The following ABCB1 variants were observed in gnomAD, a reference collection of about 807,000 sequenced individuals.
ABCB1 encodes the protein ATP binding cassette subfamily B member 1, also known as ATP-dependent translocase ABCB1.
A neutral mutation model predicts 142.0 loss-of-function variants in ABCB1; 69 were observed. The ratio of observed to expected loss-of-function variants is 0.49; its 90% CI spans 0.40 to 0.59. The LOEUF is 0.59. Ranked by LOEUF, ABCB1 falls within the 20% of genes least tolerant of loss-of-function variation. The probability of loss-of-function intolerance (pLI) is 0.00; values close to 1 mark genes in which losing one functional copy is unlikely to be tolerated. For missense variants in ABCB1, 1,326 were observed against 1,554.7 expected (o/e 0.85, Z 2.47); for synonymous variants, 532 against 539.2 (o/e 0.99, Z 0.18).
At chr7:87,683,393 A>G (rs1453430181) in intron 1 of ABCB1, among the ~76,000 whole-genome samples, 1 of 152,190 alleles carries the variant, frequency 6.6e-6, no homozygotes, top group Non-Finnish European at 1.5e-5. Flanking sequence ...TGGCTATCTC[A>G]GTTTTTGACA....
In ABCB1 at chr7:87,558,341, G is replaced by C. The variant is rs796675258; in HGVS notation, c.827+2922C>G. Among the ~76,000 whole-genome samples the C allele has an allele frequency of 3.2e-4, 48 of 152,142 alleles. No homozygotes were observed. In the East Asian group the frequency reaches 3.9e-3, roughly 12 times the overall value. On this transcript the variant is annotated intron_variant, in intron 8 of 27. Transcript: ENST00000622132. The stretch of plus-strand genomic sequence containing the variant: ...ATGAAATACTATATATTTTCTAATT[G>C]TTCATTCCTGGTTTACAGGAATGCC...
chr7:87,680,600 C>T (rs1350613138), intron 1 of ABCB1, among the ~76,000 whole-genome samples: 1 of 150,304 alleles, frequency 6.7e-6, no homozygotes, highest in Non-Finnish European at 1.5e-5. Context: ...TAAGGCCAGC[C>T]TGACTAACAT....
intron 23 of ABCB1, chr7:87,518,970 C>T (rs566811153): frequency 1.4e-5 from 4 of 281,078 alleles, no homozygotes; most frequent in Non-Finnish European, 2.7e-5. Flanking sequence ...CTGTATTTTA[C>T]TTGCTCTGTA....
In ABCB1 at chr7:87,637,805, T is replaced by G. The variant is rs552897659; in HGVS notation, c.-330-36727A>C. On this transcript the variant is annotated intron_variant, in intron 1 of 28. Transcript: ENST00000265724. ...AGATTTCTTTATTAATTCTAACAGATTTTTTGCAGTTAAAATTTTTTTTTC... is the reference window on the plus strand; with the variant it reads ...AGATTTCTTTATTAATTCTAACAGAGTTTTTGCAGTTAAAATTTTTTTTTC... 2.0e-3 allele frequency among the ~76,000 whole-genome samples: 303 copies of G among 152,196 alleles called. 1 individual carries two copies. Among genetic ancestry groups the G allele is most frequent in the African/African-American group, 6.7e-3 (277 of 41,558 alleles).
At chr7:87,570,303 T>C in intron 4 of ABCB1, 80 bp from the exon 5 acceptor site, 1 of 1,299,626 alleles carries the variant, frequency 7.7e-7, no homozygotes, top group Non-Finnish European at 1.1e-6. Flanking sequence ...TGAATCAAAC[T>C]CATTTCATTT....
chr7:87,503,110 G>A lies in ABCB1; in HGVS notation c.*1133C>T, dbSNP rs1006546804. ...TTGCATTTATTTGATTGTTGAAACT[G>A]TATACATTTTTCTCATGCATTTCTT... On this transcript the variant is annotated 3_prime_UTR_variant, in exon 28 of 28. Transcript: ENST00000622132. Among the ~76,000 whole-genome samples, 12 of 151,794 alleles carry A rather than the reference G, an allele frequency of 7.9e-5. No homozygotes were observed. The South Asian group carries it at 2.5e-3, about 32-fold the overall frequency.
intron 1 of ABCB1, among the ~76,000 whole-genome samples, chr7:87,650,382 T>C (rs1000162630): frequency 5.9e-5 from 9 of 152,022 alleles, no homozygotes; most frequent in Non-Finnish European, 5.9e-5. Context: ...ACCATCAGAT[T>C]GGGTGTCTGG....
chr7:87,664,294 G>A (rs1385334626), intron 1 of ABCB1, among the ~76,000 whole-genome samples: 1 of 152,050 alleles, frequency 6.6e-6, no homozygotes, highest in South Asian at 2.1e-4. Flanking sequence ...CCTGGAGATA[G>A]CAGCTGCACT....
At chr7:87,600,364 G>A (rs917552380) in intron 1 of ABCB1, among the ~76,000 whole-genome samples, 174 bp from the exon 2 acceptor site, 1 of 152,210 alleles carries the variant, frequency 6.6e-6, no homozygotes, top group Non-Finnish European at 1.5e-5. Flanking sequence ...TGTGCGCGGG[G>A]TCTCCAGCAT....
At chr7:87,589,804 AG>A (rs1288020939) in intron 3 of ABCB1, among the ~76,000 whole-genome samples, 1 of 99,552 alleles carries the variant, frequency 1.0e-5, no homozygotes, top group Non-Finnish European at 1.7e-5. Flanking sequence ...AGAGAGAGAG[AG>A]GAGAGAGAGA....
intron 8 of ABCB1, 123 bp downstream of exon 8, chr7:87,561,140 C>T (rs58996570): frequency 2.7e-6 from 3 of 1,124,256 alleles, no homozygotes; most frequent in African/African-American, 1.6e-5. Flanking sequence ...GTAATACATC[C>T]ATTAAGCTAT....
intron 1 of ABCB1, among the ~76,000 whole-genome samples, chr7:87,687,561 G>A (rs1283957856): frequency 1.3e-5 from 2 of 152,106 alleles, no homozygotes; most frequent in Non-Finnish European, 2.9e-5. Context: ...ATCTTCATCT[G>A]TTTTGTTCAT....
At chr7:87,686,861 C>T (rs1447733447) in intron 1 of ABCB1, among the ~76,000 whole-genome samples, 1 of 150,840 alleles carries the variant, frequency 6.6e-6, no homozygotes, top group South Asian at 2.1e-4. Context: ...GGGAGGGTCA[C>T]CTGAGCCCAA....
rs779701045 is a variant in ABCB1 at position 87,553,970 on chromosome 7, A to G, written c.828-38T>C. 4.5e-6 allele frequency: 7 copies of G among 1,559,414 alleles called. No homozygotes were observed. The Admixed American group carries it at 1.2e-4, about 26-fold the overall frequency. The stretch of plus-strand genomic sequence containing the variant: ...ACAAAAATGATCACATATACATTTT[A>G]TGAAAACATGTCGATATAGCATGAT... On this transcript the variant is annotated intron_variant, in intron 8 of 27. Transcript: ENST00000622132.
chr7:87,690,625 T>C (rs1827921665), intron 1 of ABCB1, among the ~76,000 whole-genome samples: 1 of 152,174 alleles, frequency 6.6e-6, no homozygotes, highest in Non-Finnish European at 1.5e-5. Context: ...TGAATTACAG[T>C]ACTGTAGCAT....
chr7:87,648,927 T>C (rs1405793724), intron 1 of ABCB1, among the ~76,000 whole-genome samples: 1 of 152,166 alleles, frequency 6.6e-6, no homozygotes, highest in Non-Finnish European at 1.5e-5. Context: ...ATAACCTATA[T>C]AAACAAATCT....
intron 2 of ABCB1, among the ~76,000 whole-genome samples, chr7:87,597,309 C>T (rs558359167): frequency 6.6e-6 from 1 of 152,098 alleles, no homozygotes; most frequent in Non-Finnish European, 1.5e-5. Context: ...CATCAAACAT[C>T]ATTTTAATAA....
intron 1 of ABCB1, among the ~76,000 whole-genome samples, chr7:87,649,068 A>G (rs1823311216): frequency 6.6e-6 from 1 of 152,110 alleles, no homozygotes. Context: ...CTAATTCTTT[A>G]ACAGCTCCCC....
chr7:87,652,123 C>T (rs1292826575), intron 1 of ABCB1, among the ~76,000 whole-genome samples: 1 of 151,986 alleles, frequency 6.6e-6, no homozygotes, highest in Non-Finnish European at 1.5e-5. Flanking sequence ...AATTTATAAA[C>T]AATGCCTAAC....
Sources: allele counts gnomAD v4.1 joint callset (sites outside exome capture counted in the v4.1 genomes callset), GRCh38; gene constraint gnomAD v4.1.1; transcripts MANE v1.5; gene names NCBI Gene and HGNC (gene_info 2026-07-23, HGNC 2026-07-21).